The following SLC25A26 variants were observed in gnomAD, a reference collection of about 807,000 sequenced individuals.
SLC25A26 encodes the protein solute carrier family 25 member 26.
A neutral mutation model predicts 37.8 loss-of-function variants in SLC25A26; 36 were observed. The ratio of observed to expected loss-of-function variants is 0.95; its 90% CI spans 0.73 to 1.26. SLC25A26 has a LOEUF of 1.26. Among genes scored for constraint, SLC25A26 ranks in the 50% most tolerant of loss-of-function variants. The pLI is 0.00. For missense variants in SLC25A26, 390 were observed against 331.1 expected, an observed-to-expected ratio of 1.18 and a Z score of -1.38; for synonymous variants, 129 against 122.5, an observed-to-expected ratio of 1.05 and a Z score of -0.35.
rs116668466 is a variant in SLC25A26 at position 66,252,445 on chromosome 3, C to T, written c.300+9133C>T. Among the ~76,000 whole-genome samples the T allele has an allele frequency of 2.7e-3, 404 of 152,288 alleles. 2 individuals are homozygous for T. The highest frequency in any genetic ancestry group is 9.3e-3 in the African/African-American group (386 of 41,564). On this transcript the variant is annotated intron_variant, in intron 3 of 9. Coordinates refer to ENST00000354883, the MANE Select transcript of SLC25A26 (RefSeq NM_001379210.1). The stretch of plus-strand genomic sequence containing the variant: ...GAGGTAGCAAGGTATGGACCATGGG[C>T]TGTCAAGTTACACAGATCGGGGTCA...
At chr3:66,352,443 T>G (rs537314364) in intron 6 of SLC25A26, among the ~76,000 whole-genome samples, 45 of 87,010 alleles carry the variant, frequency 5.2e-4, no homozygotes, top group East Asian at 1.9e-3. Flanking sequence ...TTGTTTTTTG[T>G]TTTTTTTTTT....
At chr3:66,226,560 C>G (rs912977488) in intron 1 of SLC25A26, among the ~76,000 whole-genome samples, 1 of 152,088 alleles carries the variant, frequency 6.6e-6, no homozygotes, top group African/African-American at 2.4e-5. Context: ...GTGATCCTCC[C>G]ACCTCAGCCT....
At chr3:66,202,921 AT>A (rs1452538856) in intron 1 of SLC25A26, among the ~76,000 whole-genome samples, 1 of 152,210 alleles carries the variant, frequency 6.6e-6, no homozygotes, top group African/African-American at 2.4e-5. Context: ...TCAAGACCAA[AT>A]TTAAAACGTA....
rs1471011566 is a variant in SLC25A26 at position 66,236,612 on chromosome 3, G to T, written c.102G>T (p.Leu34=). The T allele has an allele frequency of 2.0e-6, 3 of 1,521,602 alleles. No individual in the cohort carries two copies. Among genetic ancestry groups the T allele is most frequent in the Non-Finnish European group, 2.6e-6 (3 of 1,136,512 alleles). The allele number at this position is 1,521,602 out of a possible 1,614,324, so 94.3% of individuals were successfully genotyped here. The change falls in exon 2 of 10, where the codon CTG becomes CTT. Residue 34 remains leucine (L), a synonymous_variant. Coordinates refer to ENST00000354883, the MANE Select transcript of SLC25A26 (RefSeq NM_001379210.1). The part of the protein sequence containing the change: ...LFPLDTIKTR[L]QSPQGFSKAG... ...CTCTGGATACCATTAAAACCAGGCTGCAGAGTCCCCAAGGATTTAGTAAGG... is the reference window on the plus strand; with the variant it reads ...CTCTGGATACCATTAAAACCAGGCTTCAGAGTCCCCAAGGATTTAGTAAGG...
intron 1 of SLC25A26, among the ~76,000 whole-genome samples, chr3:66,168,819 G>T (rs956145936): frequency 7.2e-5 from 11 of 152,132 alleles, no homozygotes; most frequent in Non-Finnish European, 1.6e-4. Context: ...TCCTGATAGG[G>T]TATTTGATAA....
chr3:66,216,447 G>T (rs2071362571), upstream of SLC25A26, among the ~76,000 whole-genome samples: 4 of 152,068 alleles, frequency 2.6e-5, no homozygotes, highest in African/African-American at 9.7e-5. Flanking sequence ...GGAGGTTGAG[G>T]CTGCAGTGAG....
intron 5 of SLC25A26, among the ~76,000 whole-genome samples, chr3:66,282,656 A>G (rs2074384993): frequency 6.6e-6 from 1 of 152,100 alleles, no homozygotes; most frequent in South Asian, 2.1e-4. Context: ...CATCTTTCCC[A>G]TTTCATATAT....
At chr3:66,259,682 G>A (rs376266752) in intron 3 of SLC25A26, among the ~76,000 whole-genome samples, 89 of 152,188 alleles carry the variant, frequency 5.8e-4, no homozygotes, top group Middle Eastern at 3.4e-3. Flanking sequence ...TAGCAGTCTC[G>A]TAACCCATCT....
At chr3:66,311,824 G>T (rs1157283206) in intron 5 of SLC25A26, among the ~76,000 whole-genome samples, 1 of 152,166 alleles carries the variant, frequency 6.6e-6, no homozygotes, top group Non-Finnish European at 1.5e-5. Context: ...ACCAGAGGCT[G>T]CAGAACAGCA....
intron 1 of SLC25A26, among the ~76,000 whole-genome samples, chr3:66,233,385 G>A (rs1027997584): frequency 6.6e-6 from 1 of 152,154 alleles, no homozygotes; most frequent in Admixed American, 6.5e-5. Flanking sequence ...TCTGGGTTAT[G>A]TCCTATTTCT....
At chr3:66,221,840 T>C (rs925904536) in intron 1 of SLC25A26, among the ~76,000 whole-genome samples, 5 of 150,352 alleles carry the variant, frequency 3.3e-5, no homozygotes, top group African/African-American at 1.2e-4. Context: ...ACGTTTTCAT[T>C]GTGTGGAATG....
intron 5 of SLC25A26, among the ~76,000 whole-genome samples, chr3:66,320,985 G>C (rs536369249): frequency 3.7e-4 from 57 of 152,198 alleles, no homozygotes; most frequent in African/African-American, 1.3e-3. Context: ...TCAAGATGAT[G>C]GTATTAGGAG....
chr3:66,166,919 G>A (rs994696283), intron 1 of SLC25A26, among the ~76,000 whole-genome samples: 3 of 152,076 alleles, frequency 2.0e-5, no homozygotes, highest in African/African-American at 7.2e-5. Flanking sequence ...TCATGGGGGC[G>A]GGTATTTCCT....
At chr3:66,284,947 A>G (rs2074460906) in intron 5 of SLC25A26, among the ~76,000 whole-genome samples, 1 of 152,206 alleles carries the variant, frequency 6.6e-6, no homozygotes, top group Admixed American at 6.5e-5. Context: ...ATCAGATTAA[A>G]GCTAATTTAT....
chr3:66,347,194 G>A (rs780631795), intron 6 of SLC25A26, among the ~76,000 whole-genome samples: 1 of 152,118 alleles, frequency 6.6e-6, no homozygotes, highest in Non-Finnish European at 1.5e-5. Flanking sequence ...ACTACCTACA[G>A]AACGGGAGGA....
chr3:66,244,208 T>G (rs2072718704), intron 3 of SLC25A26, among the ~76,000 whole-genome samples: 1 of 152,130 alleles, frequency 6.6e-6, no homozygotes, highest in African/African-American at 2.4e-5. Flanking sequence ...AATATTAATA[T>G]TAGGAAAAAA....
intron 5 of SLC25A26, among the ~76,000 whole-genome samples, chr3:66,269,186 C>T (rs942060515): frequency 3.3e-5 from 5 of 152,172 alleles, no homozygotes; most frequent in South Asian, 2.1e-4. Flanking sequence ...TTCTAAAAGG[C>T]GGCTGTGATA....
At chr3:66,360,472 C>T (rs1330124233) in intron 6 of SLC25A26, among the ~76,000 whole-genome samples, 1 of 151,944 alleles carries the variant, frequency 6.6e-6, no homozygotes, top group African/African-American at 2.4e-5. Context: ...ACAGATGATA[C>T]GGTCATCTAT....
chr3:66,255,472 G>C (rs782808078), intron 3 of SLC25A26, among the ~76,000 whole-genome samples: 5 of 150,192 alleles, frequency 3.3e-5, no homozygotes, highest in African/African-American at 9.8e-5. Context: ...TTTTGATTTT[G>C]ATAAAGTATG....
Sources: gnomAD v4.1 joint callset for allele counts (sites outside exome capture counted in the v4.1 genomes callset) on GRCh38, gnomAD v4.1.1 for gene constraint, MANE v1.5 for transcripts, NCBI Gene and HGNC (gene_info 2026-07-23, HGNC 2026-07-21) for gene names.